Variants in EPHX2 observed in about 807,000 individuals in gnomAD.
EPHX2 encodes the protein epoxide hydrolase 2.
EPHX2 carries 74 observed loss-of-function variants against 78.7 expected under a neutral mutation model. The ratio of observed to expected loss-of-function variants is 0.94; its 90% confidence interval spans 0.78 to 1.14. The LOEUF (loss-of-function observed/expected upper bound fraction) is 1.14. Among genes scored for constraint, EPHX2 ranks in the 50% most tolerant of loss-of-function variants. EPHX2 has a pLI of 0.00. For missense variants in EPHX2, 715 were observed against 702.5 expected (o/e 1.02, Z -0.20); for synonymous variants, 251 against 255.2 (o/e 0.98, Z 0.16).
At chr8:27,543,865 A>G (rs781152909) in intron 17 of EPHX2, 36 bp downstream of exon 17, 1 of 1,608,336 alleles carries the variant, frequency 6.2e-7, no homozygotes, top group South Asian at 1.1e-5. Context: ...TCATCAGTGC[A>G]CCCCGGGAGA....
intron 2 of EPHX2, among the ~76,000 whole-genome samples, chr8:27,501,330 C>CTTCTTCTTCTTCTTCTTT (rs1813766552): frequency 1.9e-5 from 1 of 54,026 alleles, no homozygotes; most frequent in South Asian, 6.0e-4. Flanking sequence ...ATATTTTCTT[C>CTTCTTCTTCTTCTTCTTT]TTCTTCTTCT....
intron 13 of EPHX2, among the ~76,000 whole-genome samples, 188 bp from the exon 14 acceptor site, chr8:27,538,470 TC>T (rs1258281754): frequency 3.9e-5 from 6 of 152,134 alleles, no homozygotes. Flanking sequence ...TGTGAGGGGG[TC>T]CCTGGCTCTC....
In EPHX2 at chr8:27,491,218, C is replaced by T. The variant is rs1215842456; in HGVS notation, c.10C>T (p.Arg4Cys). Reference sequence around the variant, plus strand: ...CTGCAGACCCGCCGCCATGACGCTGCGCGCGGCCGTCTTCGACCTTGACGG... The same window carrying T: ...CTGCAGACCCGCCGCCATGACGCTGTGCGCGGCCGTCTTCGACCTTGACGG... MTL[R>C]AAVFDLDGVL... Residue 4 changes from arginine (R) to cysteine (C), a missense_variant, in exon 1 of 19, where the codon CGC (arginine) becomes TGC (cysteine). Coordinates refer to ENST00000521400, the MANE Select transcript of EPHX2 (RefSeq NM_001979.6). 2.5e-6 allele frequency: 4 copies of T among 1,581,780 alleles called. No individual in the cohort carries two copies. In the African/African-American group the frequency reaches 5.5e-5, roughly 22 times the overall value.
intron 1 of EPHX2, 66 bp downstream of exon 1, chr8:27,491,375 G>GCAGCCCAGCTTT (rs1327370128): frequency 1.7e-6 from 2 of 1,209,190 alleles, no homozygotes; most frequent in Non-Finnish European, 2.2e-6. Context: ...CGCTGGGCTT[G>GCAGCCCAGCTTT]CAGCCCAGCT....
At chr8:27,493,683 C>T (rs1813469208) in intron 1 of EPHX2, among the ~76,000 whole-genome samples, 1 of 144,086 alleles carries the variant, frequency 6.9e-6, no homozygotes, top group Non-Finnish European at 1.5e-5. Context: ...GGAGAAGGTG[C>T]AGGTGCCTGT....
chr8:27,505,245 C>A, intron 4 of EPHX2, 99 bp downstream of exon 4: 3 of 1,173,812 alleles, frequency 2.6e-6, no homozygotes, highest in Admixed American at 2.0e-5. Flanking sequence ...TTGGGCCTGG[C>A]AGGACAGCTC....
intron 12 of EPHX2, among the ~76,000 whole-genome samples, chr8:27,532,101 AC>A (rs1157010337): frequency 1.3e-5 from 2 of 151,748 alleles, no homozygotes; most frequent in African/African-American, 4.8e-5. Flanking sequence ...GACCCTCCAG[AC>A]CCCCACCCTG....
At position 27,500,943 on chromosome 8, in the gene EPHX2, C is replaced by T; in HGVS notation, c.119C>T (p.Ala40Val). The change falls in exon 2 of 19, where the codon GCT (alanine) becomes GTT (valine). Residue 40 changes from alanine to valine, a missense_variant. Transcript: ENST00000521400. The stretch of plus-strand genomic sequence containing the variant: ...TTTTCCAGAGGACTTCTGAATGATG[C>T]TTTCCAGAAAGGGGGACCAGAGGGT... Reference protein sequence around the residue: ...LALPRGLLNDAFQKGGPEGAT... With the variant: ...LALPRGLLNDVFQKGGPEGAT... The T allele has an allele frequency of 6.2e-7, 1 of 1,613,206 alleles. No homozygotes were observed. Among genetic ancestry groups the T allele is most frequent in the South Asian group, 1.1e-5 (1 of 90,878 alleles).
At position 27,535,329 on chromosome 8, in the gene EPHX2, C is replaced by T. The variant is rs192085119; in HGVS notation, c.1171-1455C>T. Among the ~76,000 whole-genome samples, 926 of 152,214 alleles carry T rather than the reference C, an allele frequency of 6.1e-3. 3 individuals are homozygous for T. Among genetic ancestry groups the T allele is most frequent in the Non-Finnish European group, 9.0e-3 (614 of 68,022 alleles). On this transcript the variant is annotated intron_variant, in intron 12 of 18. Coordinates refer to ENST00000521400, the MANE Select transcript of EPHX2 (RefSeq NM_001979.6). ...TAGCTGGGATTATAGGCATGCACCA[C>T]CATGCCCGGCTAATTTTGTATTTTT...
At chr8:27,527,878 A>G (rs745891877) in intron 12 of EPHX2, among the ~76,000 whole-genome samples, 1 of 152,244 alleles carries the variant, frequency 6.6e-6, no homozygotes, top group East Asian at 1.9e-4. Flanking sequence ...ATTCTCTCCT[A>G]TCTTCTCAGC....
In EPHX2 at chr8:27,544,931, C is replaced by T. The variant is rs1014758266; in HGVS notation, c.*409C>T. 1 of 204,100 alleles carries T rather than the reference C, an allele frequency of 4.9e-6. No homozygotes were observed. The highest frequency in any genetic ancestry group is 1.0e-5 in the Non-Finnish European group (1 of 99,972). 12.6% of individuals were successfully genotyped at this position (204,100 alleles called of 1,614,324 possible). A position where few individuals can be genotyped will look rare whatever the true frequency, so the allele number is the denominator to read the frequency against. On this transcript the variant is annotated 3_prime_UTR_variant, in exon 19 of 19. Coordinates refer to ENST00000521400, the MANE Select transcript of EPHX2 (RefSeq NM_001979.6). ...CTAAGATGACTATGCTGCTGGCTGT[C>T]TTTGTTCTTGGAGAGGTGGAGTGAC...
In EPHX2 at chr8:27,538,656, C is replaced by CA; in HGVS notation, c.1243-2dup. 6.2e-7 allele frequency: 1 copy of CA among 1,610,772 alleles called. No homozygotes were observed. The highest frequency in any genetic ancestry group is 8.5e-7 in the Non-Finnish European group (1 of 1,177,842). On this transcript the variant is annotated splice_polypyrimidine_tract_variant and splice_region_variant and intron_variant, in intron 13 of 18. Coordinates refer to ENST00000521400, the MANE Select transcript of EPHX2 (RefSeq NM_001979.6). ...TTGTAACTCTTTTCTTTTCTTCCTT[C>CA]AGAGTGTTTTATCCATGCATAAAGT...
chr8:27,525,164 T>G (rs919858325), intron 11 of EPHX2, among the ~76,000 whole-genome samples, 198 bp from the exon 12 acceptor site: 2 of 150,398 alleles, frequency 1.3e-5, no homozygotes, highest in African/African-American at 4.9e-5. Flanking sequence ...ATACTGCAGT[T>G]TAGTAGGAAA....
rs1437846757 is a variant in EPHX2, at chr8:27,506,959, G to A, written c.625G>A (p.Ala209Thr). ...VTILVQDTDTALKELEKVTGI... is the reference protein window; with the variant it reads ...VTILVQDTDTTLKELEKVTGI... ...CATCCTGGTCCAGGACACTGACACG[G>A]CCCTGAAAGAACTGGAGAAAGTGAC... is the stretch of plus-strand genomic sequence containing the variant. Residue 209 changes from alanine to threonine, a missense_variant, in exon 5 of 19, where the codon GCC becomes ACC. Ala to Thr is a moderately conservative substitution (Grantham distance 58). Transcript: ENST00000521400. 4 of 1,613,984 alleles carry A rather than the reference G, an allele frequency of 2.5e-6. No individual in the cohort carries two copies. In the African/African-American group the frequency reaches 4.0e-5, roughly 16 times the overall value.
At chr8:27,534,351 C>T (rs1296676747) in intron 12 of EPHX2, among the ~76,000 whole-genome samples, 1 of 152,026 alleles carries the variant, frequency 6.6e-6, no homozygotes, top group African/African-American at 2.4e-5. Context: ...ATGAGCAGAA[C>T]AAAAAAGAGT....
downstream of EPHX2, among the ~76,000 whole-genome samples, chr8:27,546,556 A>G (rs1815580122): frequency 6.6e-6 from 1 of 152,236 alleles, no homozygotes; most frequent in South Asian, 2.1e-4. Flanking sequence ...GGTGTATTCA[A>G]GCTCATTTGT....
At chr8:27,532,215 C>G (rs952340953) in intron 12 of EPHX2, among the ~76,000 whole-genome samples, 1 of 152,106 alleles carries the variant, frequency 6.6e-6, no homozygotes, top group African/African-American at 2.4e-5. Flanking sequence ...ACCCTCTCCC[C>G]TCAGCCCCCA....
rs1814507322 is a variant in EPHX2 at position 27,517,706 on chromosome 8, T to G, written c.911-332T>G. ...CATGAAAAAGAATGAAATTGGACCT[T>G]TATCTTACACCACACACAAAAATCA... On this transcript the variant is annotated intron_variant, in intron 8 of 18. Coordinates refer to ENST00000521400, the MANE Select transcript of EPHX2 (RefSeq NM_001979.6). Among the ~76,000 whole-genome samples, 4 of 152,158 alleles carry G rather than the reference T, an allele frequency of 2.6e-5. No homozygotes were observed. The South Asian group carries it at 8.3e-4, about 32-fold the overall frequency.
downstream of EPHX2, among the ~76,000 whole-genome samples, chr8:27,546,933 C>G (rs541862945): frequency 8.5e-5 from 13 of 152,250 alleles, no homozygotes; most frequent in African/African-American, 2.9e-4. Context: ...AGAAAACTTA[C>G]AATCATGGCA....
Sources: gnomAD v4.1 joint callset for allele counts (sites outside exome capture counted in the v4.1 genomes callset) on GRCh38, gnomAD v4.1.1 for gene constraint, MANE v1.5 for transcripts, NCBI Gene and HGNC (gene_info 2026-07-23, HGNC 2026-07-21) for gene names.